ARL15: variants seen among roughly 807,000 people sequenced by gnomAD.
ARL15 encodes the protein ARF like GTPase 15, also known as ADP-ribosylation factor-like protein 15.
ARL15 carries 19 observed loss-of-function variants against 25.2 expected under a neutral mutation model. The ratio of observed to expected loss-of-function variants is 0.75; its 90% CI spans 0.53 to 1.10. The LOEUF is 1.10. Among genes scored for constraint, ARL15 ranks in the 50% least tolerant of loss-of-function variants. The probability of loss-of-function intolerance (pLI) is 0.00; values close to 1 mark genes in which losing one functional copy is unlikely to be tolerated. For synonymous variants in ARL15, 94 were observed against 86.8 expected, an observed-to-expected ratio of 1.08 and a Z score of -0.46; for missense variants, 220 against 246.0, an observed-to-expected ratio of 0.89 and a Z score of 0.71.
chr5:54,205,967 A>G (rs963284691), intron 1 of ARL15, among the ~76,000 whole-genome samples: 14 of 152,134 alleles, frequency 9.2e-5, no homozygotes, highest in Admixed American at 2.0e-4. Context: ...CTTCCCCCTT[A>G]TTCTTCTTCT....
At chr5:54,237,695 C>T (rs565692449) in intron 1 of ARL15, among the ~76,000 whole-genome samples, 1 of 152,250 alleles carries the variant, frequency 6.6e-6, no homozygotes, top group East Asian at 1.9e-4. Context: ...AGACTGTTAC[C>T]ACCTGAGGGC....
chr5:53,895,523 T>C (rs1311696036), intron 4 of ARL15, among the ~76,000 whole-genome samples: 1 of 152,164 alleles, frequency 6.6e-6, no homozygotes, highest in Non-Finnish European at 1.5e-5. Context: ...ACCTGTCAGT[T>C]TGAGGTTTTT....
chr5:54,060,940 C>T (rs749980448), intron 4 of ARL15, among the ~76,000 whole-genome samples: 1 of 152,138 alleles, frequency 6.6e-6, no homozygotes, highest in Non-Finnish European at 1.5e-5. Context: ...TGCAGCCTGA[C>T]AGTGCGATAG....
chr5:54,262,778 A>AT (rs887542590), intron 1 of ARL15, among the ~76,000 whole-genome samples: 5 of 151,998 alleles, frequency 3.3e-5, no homozygotes, highest in African/African-American at 1.2e-4. Flanking sequence ...AAATTCACTT[A>AT]TTTTTTCCCC....
chr5:54,079,918 T>TGA (rs1392182366), intron 4 of ARL15, among the ~76,000 whole-genome samples: 1 of 150,174 alleles, frequency 6.7e-6, no homozygotes, highest in Non-Finnish European at 1.5e-5. Flanking sequence ...TGCAGTGAGC[T>TGA]GAGATCATGC....
intron 1 of ARL15, among the ~76,000 whole-genome samples, chr5:54,204,239 C>T (rs1474191998): frequency 6.6e-6 from 1 of 152,152 alleles, no homozygotes; most frequent in Admixed American, 6.5e-5. Context: ...CAAGACTGAA[C>T]TTTTCCATCC....
intron 2 of ARL15, among the ~76,000 whole-genome samples, chr5:54,158,138 T>A (rs956528451): frequency 6.6e-6 from 1 of 151,940 alleles, no homozygotes; most frequent in Non-Finnish European, 1.5e-5. Flanking sequence ...ATACCAAAGG[T>A]CAAACCATCA....
At chr5:54,304,523 T>A (rs2112720065) in intron 1 of ARL15, among the ~76,000 whole-genome samples, 1 of 152,302 alleles carries the variant, frequency 6.6e-6, no homozygotes, top group East Asian at 1.9e-4. Flanking sequence ...CTATGTGTCC[T>A]CTCCTAGGGC....
chr5:53,982,200 ACTTTAAGTT>A (rs1748143156), intron 4 of ARL15, among the ~76,000 whole-genome samples: 2 of 143,556 alleles, frequency 1.4e-5, no homozygotes, highest in African/African-American at 5.1e-5. Flanking sequence ...CTTTTTTTAT[ACTTTAAGTT>A]CTGGGATACA....
intron 4 of ARL15, among the ~76,000 whole-genome samples, chr5:54,112,464 T>A (rs949437084): frequency 6.6e-6 from 1 of 152,186 alleles, no homozygotes; most frequent in Non-Finnish European, 1.5e-5. Flanking sequence ...GGAAATCATA[T>A]CCTGAAAGTT....
At chr5:53,979,007 C>T (rs1325290448) in intron 4 of ARL15, among the ~76,000 whole-genome samples, 1 of 152,128 alleles carries the variant, frequency 6.6e-6, no homozygotes, top group Admixed American at 6.5e-5. Context: ...GACATGGCTA[C>T]ATTAAGAGAC....
At chr5:54,001,267 C>A (rs986877896) in intron 4 of ARL15, among the ~76,000 whole-genome samples, 5 of 152,082 alleles carry the variant, frequency 3.3e-5, no homozygotes, top group Non-Finnish European at 7.3e-5. Context: ...TTATACACAC[C>A]TTTGAGGGGA....
chr5:53,981,900 C>CAAA (rs553509243), intron 4 of ARL15, among the ~76,000 whole-genome samples: 1 of 144,624 alleles, frequency 6.9e-6, no homozygotes. Context: ...AACTCTGTCT[C>CAAA]AAAAAAAAAG....
intron 2 of ARL15, among the ~76,000 whole-genome samples, chr5:54,169,265 C>T (rs1754657387): frequency 6.6e-6 from 1 of 152,128 alleles, no homozygotes; most frequent in South Asian, 2.1e-4. Context: ...CTTTGTGTTA[C>T]TCTTACACAT....
chr5:54,277,235 T>G (rs10940370), intron 1 of ARL15, among the ~76,000 whole-genome samples: 85,180 of 151,694 alleles, frequency 0.56, 25,557 homozygotes, highest in Non-Finnish European at 0.68. Flanking sequence ...GCCTTTTTAC[T>G]GTAATCACAA....
chr5:54,054,236 C>A (rs141142731), intron 4 of ARL15, among the ~76,000 whole-genome samples: 1 of 152,234 alleles, frequency 6.6e-6, no homozygotes, highest in Non-Finnish European at 1.5e-5. Context: ...TTAGCACAGT[C>A]TTATTACACA....
chr5:54,061,165 G>A (rs1751050851), intron 4 of ARL15, among the ~76,000 whole-genome samples: 1 of 152,212 alleles, frequency 6.6e-6, no homozygotes, highest in Non-Finnish European at 1.5e-5. Flanking sequence ...GCTGTGTGCA[G>A]CCTAGGGACT....
intron 1 of ARL15, among the ~76,000 whole-genome samples, chr5:54,271,461 A>G (rs1318050155): frequency 6.6e-6 from 1 of 152,238 alleles, no homozygotes; most frequent in Non-Finnish European, 1.5e-5. Flanking sequence ...TACAAATGCT[A>G]TGTAAATAGT....
intron 4 of ARL15, among the ~76,000 whole-genome samples, chr5:53,929,156 T>C (rs1217402267): frequency 1.7e-5 from 2 of 114,934 alleles, no homozygotes; most frequent in South Asian, 3.1e-4. Context: ...GCATTCCAGA[T>C]AGAAAATAAG....
Sources: allele counts gnomAD v4.1 joint callset (sites outside exome capture counted in the v4.1 genomes callset), GRCh38; gene constraint gnomAD v4.1.1; transcripts MANE v1.5; gene names NCBI Gene and HGNC (gene_info 2026-07-23, HGNC 2026-07-21).